The following COL4A6 variants were observed in gnomAD, a reference collection of about 807,000 sequenced individuals.
COL4A6 encodes the protein collagen alpha-6(IV) chain.
COL4A6 carries 59 observed loss-of-function variants against 126.7 expected under a neutral mutation model. That is an observed-to-expected ratio of 0.47 (90% CI 0.38 to 0.58). COL4A6 has a LOEUF of 0.58. Among genes scored for constraint, COL4A6 ranks in the 20% least tolerant of loss-of-function variants. The probability of loss-of-function intolerance (pLI) is 0.00; values close to 1 mark genes in which losing one functional copy is unlikely to be tolerated. For synonymous variants in COL4A6, 547 were observed against 496.6 expected, an observed-to-expected ratio of 1.10 and a Z score of -1.35; for missense variants, 1,285 against 1,337.3, an observed-to-expected ratio of 0.96 and a Z score of 0.61.
chrX:108,394,427 T>TAAAAGA (rs796478100), intron 2 of COL4A6, among the ~76,000 whole-genome samples: 17 of 108,845 alleles, frequency 1.6e-4, no homozygotes, highest in African/African-American at 4.4e-4. Flanking sequence ...AGTATAATAA[T>TAAAAGA]AAAAGAAAAA....
At chrX:108,403,266 C>G (rs1312048742) in intron 2 of COL4A6, among the ~76,000 whole-genome samples, 1 of 104,289 alleles carries the variant, frequency 9.6e-6, no homozygotes, top group Non-Finnish European at 2.0e-5. Context: ...CTCTCTCTCT[C>G]TCTCTCTCTC....
rs761155774 is a variant in COL4A6, at chrX:108,243,058, A to G, written c.145-21684T>C. ...CGCTTAGGAATCCTGTTAAAAAAAA[A>G]GGTTCTGATTCAGCGGGAGGCTCAA... On this transcript the variant is annotated intron_variant, in intron 3 of 44. Coordinates refer to ENST00000334504, the MANE Select transcript of COL4A6 (RefSeq NM_033641.4). Among the ~76,000 whole-genome samples, 21 of 111,580 alleles carry G rather than the reference A, an allele frequency of 1.9e-4. 1 individual carries two copies. In the South Asian group the frequency reaches 7.7e-3, roughly 41 times the overall value.
chrX:108,175,827 C>T (rs2034470001), intron 28 of COL4A6, 30 bp from the exon 29 acceptor site: 2 of 1,156,749 alleles, frequency 1.7e-6, no homozygotes, highest in South Asian at 4.0e-5. Context: ...TTTATTATCA[C>T]TCCCATTTTA....
At chrX:108,241,544 A>T in intron 3 of COL4A6, among the ~76,000 whole-genome samples, 1 of 97,265 alleles carries the variant, frequency 1.0e-5, no homozygotes, top group Non-Finnish European at 2.0e-5. Context: ...ATAATATATA[A>T]TAGTAAATAT....
intron 2 of COL4A6, among the ~76,000 whole-genome samples, chrX:108,318,861 C>G (rs1232096847): frequency 8.9e-6 from 1 of 112,580 alleles, no homozygotes; most frequent in Non-Finnish European, 1.9e-5. Context: ...GTGGCCTTCT[C>G]CAAAGGTGAC....
chrX:108,260,077 A>G (rs763428648), intron 3 of COL4A6, among the ~76,000 whole-genome samples: 9 of 110,534 alleles, frequency 8.1e-5, no homozygotes, highest in African/African-American at 2.6e-4. Flanking sequence ...TCGACTAGAT[A>G]AGAAATGCTT....
chrX:108,200,864 A>G (rs1378611096), intron 13 of COL4A6, among the ~76,000 whole-genome samples: 4 of 111,997 alleles, frequency 3.6e-5, no homozygotes, highest in Non-Finnish European at 7.5e-5. Context: ...TATCACATGT[A>G]CCCTATAAAT....
Position 108,172,471 on chromosome X carries a change from T to C in COL4A6, c.3200A>G (p.Lys1067Arg). 8.3e-7 allele frequency: 1 copy of C among 1,200,683 alleles called. No homozygotes were observed. Among genetic ancestry groups the C allele is most frequent in the Non-Finnish European group, 1.1e-6 (1 of 890,061 alleles). The stretch of plus-strand genomic sequence containing the variant: ...AAGAAAAAAAAAATGCTCCTTACCT[T>C]TCAGGCCTGGGAGACCAGATGCTCC... ...LPGASGLPGL[K>R]GDNGQTVEIS... is the part of the protein sequence containing the mutation. The change falls in exon 32 of 45, where the codon AAA becomes AGA. Residue 1067 changes from lysine to arginine, a missense_variant and splice_region_variant. By Grantham distance (26) the Lys-to-Arg change is conservative. Transcript: ENST00000334504.
At chrX:108,406,688 C>A (rs1013558222) in intron 2 of COL4A6, among the ~76,000 whole-genome samples, 3 of 112,160 alleles carry the variant, frequency 2.7e-5, no homozygotes, top group Non-Finnish European at 3.8e-5. Flanking sequence ...GCAACCTATG[C>A]CTGAAATAGT....
chrX:108,332,236 T>C (rs2039320523), intron 2 of COL4A6, among the ~76,000 whole-genome samples: 1 of 111,886 alleles, frequency 8.9e-6, no homozygotes, highest in South Asian at 3.7e-4. Context: ...ATTCTTTTTA[T>C]TGAAACATCC....
chrX:108,437,035 A>G (rs2064280950), intron 2 of COL4A6, among the ~76,000 whole-genome samples: 1 of 111,957 alleles, frequency 8.9e-6, no homozygotes, highest in Non-Finnish European at 1.9e-5. Flanking sequence ...ATCATTAAGA[A>G]TTTTTAAAAA....
intron 3 of COL4A6, among the ~76,000 whole-genome samples, chrX:108,285,884 G>C (rs2037993194): frequency 1.8e-5 from 2 of 111,784 alleles, no homozygotes; most frequent in African/African-American, 6.5e-5. Context: ...GAAATTCTGG[G>C]TAGGAGTGAG....
At position 108,221,304 on chromosome X, in the gene COL4A6, G is replaced by A. The variant is rs759248893; in HGVS notation, c.215C>T (p.Ser72Leu). 17 of 1,209,828 alleles carry A rather than the reference G, an allele frequency of 1.4e-5. No homozygotes were observed. Among genetic ancestry groups the A allele is most frequent in the East Asian group, 3.0e-5 (1 of 33,762 alleles). Residue 72 changes from serine (S) to leucine (L), a missense_variant, in exon 4 of 45, where the codon TCG becomes TTG. Ser to Leu is a moderately radical substitution (Grantham distance 145, BLOSUM62 -2). Coordinates refer to ENST00000334504, the MANE Select transcript of COL4A6 (RefSeq NM_033641.4). ...GAAACCCCTTTCTCCTTTCAATCCCGATAAACCAGTAGAGCCAGTGAATCC... is the reference window on the plus strand; with the variant it reads ...GAAACCCCTTTCTCCTTTCAATCCCAATAAACCAGTAGAGCCAGTGAATCC... ...PQGFTGSTGL[S>L]GLKGERGFPG...
At chrX:108,412,911 A>T (rs931526209) in intron 2 of COL4A6, among the ~76,000 whole-genome samples, 4 of 112,626 alleles carry the variant, frequency 3.6e-5, no homozygotes, top group African/African-American at 1.3e-4. Flanking sequence ...TGGGGTATGC[A>T]TGCCAAAGAA....
Position 108,159,492 on chromosome X carries a change from G to A in COL4A6, c.4782C>T (p.Arg1594=), listed in dbSNP as rs1440902542. The A allele has an allele frequency of 1.6e-6, 2 of 1,212,326 alleles. No homozygotes were observed. Among genetic ancestry groups the A allele is most frequent in the East Asian group, 3.0e-5 (1 of 33,857 alleles). Residue 1594 remains arginine, a synonymous_variant, in exon 44 of 45, where the codon CGC becomes CGT. Transcript: ENST00000334504. The part of the protein sequence containing the change: ...ITIPQCPLGW[R]SLWIGYSFLM... ...GGAAAGAGTACCCAATCCAGAGGCT[G>A]CGCCAGCCCAGGGGGCACTGCGGGA...
At chrX:108,343,165 AGT>A (rs55685604) in intron 2 of COL4A6, among the ~76,000 whole-genome samples, 16 of 31,415 alleles carry the variant, frequency 5.1e-4, no homozygotes, top group Admixed American at 8.6e-4. Context: ...ATATATATAT[AGT>A]GTGTGTGTGT....
intron 2 of COL4A6, among the ~76,000 whole-genome samples, chrX:108,420,834 T>A (rs1320786762): frequency 9.0e-6 from 1 of 111,606 alleles, no homozygotes; most frequent in African/African-American, 3.3e-5. Context: ...GCAGGTGTCC[T>A]TCATAATAGT....
At chrX:108,435,990 C>G (rs769998893) in intron 2 of COL4A6, among the ~76,000 whole-genome samples, 1 of 111,249 alleles carries the variant, frequency 9.0e-6, no homozygotes, top group Non-Finnish European at 1.9e-5. Context: ...AGAACCAGCC[C>G]GTATAGATAA....
chrX:108,269,703 T>C (rs184103342), intron 3 of COL4A6, among the ~76,000 whole-genome samples: 1 of 112,247 alleles, frequency 8.9e-6, no homozygotes, highest in African/African-American at 3.2e-5. Flanking sequence ...CAAAGAACTA[T>C]AGTATTTTGG....
Sources: gnomAD v4.1 joint callset for allele counts (sites outside exome capture counted in the v4.1 genomes callset) on GRCh38, gnomAD v4.1.1 for gene constraint, MANE v1.5 for transcripts, NCBI Gene and HGNC (gene_info 2026-07-23, HGNC 2026-07-21) for gene names.